NHEJ1: variants seen among roughly 807,000 people sequenced by gnomAD.
NHEJ1 encodes the protein non-homologous end joining factor 1.
In NHEJ1, 22 loss-of-function variants were observed where a neutral mutation model predicts 39.4. The observed-to-expected ratio is 0.56, with a 90% CI of 0.40 to 0.80. The LOEUF (loss-of-function observed/expected upper bound fraction) is 0.80, where lower values mean the gene tolerates loss of function less well. NHEJ1 is among the 30% of genes least tolerant of loss of function. The probability of loss-of-function intolerance (pLI) is 0.00; values close to 1 mark genes in which losing one functional copy is unlikely to be tolerated. For synonymous variants in NHEJ1, 154 were observed against 135.6 expected (o/e 1.14, Z -0.94); for missense variants, 329 against 357.1 (o/e 0.92, Z 0.63).
At chr2:219,085,236 T>C (rs1252900493) in intron 5 of NHEJ1, among the ~76,000 whole-genome samples, 3 of 152,192 alleles carry the variant, frequency 2.0e-5, no homozygotes, top group African/African-American at 7.2e-5. Flanking sequence ...ATATCTATAT[T>C]TTTAGAAGAC....
intron 3 of NHEJ1, among the ~76,000 whole-genome samples, chr2:219,149,540 C>T (rs1317064988): frequency 5.9e-5 from 9 of 152,222 alleles, no homozygotes; most frequent in African/African-American, 1.9e-4. Context: ...CGCTTGAATC[C>T]GGGAGGCAGA....
chr2:219,102,992 G>A (rs1243903618), intron 5 of NHEJ1, among the ~76,000 whole-genome samples: 1 of 104,224 alleles, frequency 9.6e-6, no homozygotes, highest in Admixed American at 1.3e-4. Flanking sequence ...GCGACAGAGC[G>A]AGACTCCGTC....
intron 5 of NHEJ1, among the ~76,000 whole-genome samples, chr2:219,119,144 A>G (rs1949446653): frequency 6.6e-6 from 1 of 152,130 alleles, no homozygotes; most frequent in African/African-American, 2.4e-5. Context: ...CCCCACTCCC[A>G]GTCTCCCGGA....
intron 3 of NHEJ1, among the ~76,000 whole-genome samples, chr2:219,151,125 C>T (rs1476303217): frequency 8.7e-6 from 1 of 115,056 alleles, no homozygotes; most frequent in Non-Finnish European, 1.7e-5. Context: ...GAGACCTTAT[C>T]TCAAAAAAAA....
intron 5 of NHEJ1, among the ~76,000 whole-genome samples, chr2:219,136,078 G>A (rs1278552462): frequency 6.6e-6 from 1 of 152,134 alleles, no homozygotes; most frequent in Non-Finnish European, 1.5e-5. Context: ...ACATGTTTAT[G>A]TAATATGACT....
At chr2:219,089,031 G>A (rs994394054) in intron 5 of NHEJ1, among the ~76,000 whole-genome samples, 21 of 152,066 alleles carry the variant, frequency 1.4e-4, no homozygotes, top group Non-Finnish European at 2.5e-4. Flanking sequence ...GTGTTAGCCA[G>A]GATGGTCTCG....
intron 5 of NHEJ1, among the ~76,000 whole-genome samples, chr2:219,131,081 G>C (rs1949573605): frequency 2.6e-5 from 4 of 152,148 alleles, no homozygotes; most frequent in Non-Finnish European, 5.9e-5. Context: ...AACAGAGCGA[G>C]ACTCTGTCTC....
At chr2:219,092,524 C>G (rs996417886) in intron 5 of NHEJ1, among the ~76,000 whole-genome samples, 3 of 152,174 alleles carry the variant, frequency 2.0e-5, no homozygotes, top group African/African-American at 7.2e-5. Flanking sequence ...TCTGTGATTT[C>G]TACTGGTGAC....
chr2:219,083,778 C>T (rs1459509433), intron 5 of NHEJ1, among the ~76,000 whole-genome samples: 1 of 152,148 alleles, frequency 6.6e-6, no homozygotes, highest in Non-Finnish European at 1.5e-5. Context: ...TTGCCTGGCC[C>T]TACTCCAATG....
At chr2:219,088,327 T>C (rs1248825564) in intron 5 of NHEJ1, among the ~76,000 whole-genome samples, 5 of 152,084 alleles carry the variant, frequency 3.3e-5, no homozygotes, top group African/African-American at 9.7e-5. Flanking sequence ...GCAACATAGA[T>C]GAATTTCATT....
At chr2:219,130,566 G>A (rs1056969058) in intron 5 of NHEJ1, among the ~76,000 whole-genome samples, 7 of 152,274 alleles carry the variant, frequency 4.6e-5, no homozygotes, top group South Asian at 4.1e-4. Context: ...AGAAAGTTAT[G>A]AGTTACGAGC....
intron 1 of NHEJ1, among the ~76,000 whole-genome samples, chr2:219,159,576 C>CATATATATATATGCATATATATATGCAT (rs72363387): frequency 2.9e-5 from 2 of 68,964 alleles, no homozygotes; most frequent in East Asian, 6.0e-4. Context: ...TATATATATG[C>CATATATATATATGCATATATATATGCAT]ATATATATAT....
rs976825540 is a variant in NHEJ1 at position 219,157,606 on chromosome 2, C to T, written c.256G>A (p.Asp86Asn). The change falls in exon 3 of 8, where the codon GAC (aspartate) becomes AAC (asparagine). Residue 86 changes from aspartate to asparagine, a missense_variant. By Grantham distance (23) the Asp-to-Asn change is conservative (BLOSUM62 1). Transcript: ENST00000356853. ...LDNLLRPLLK[D>N]AAHPSEATFS... ...GTAGCTTCGCTAGGGTGAGCAGCGT[C>T]CTTCAACAATGGGCGAAGGAGATTA... 3.1e-6 allele frequency: 5 copies of T among 1,614,042 alleles called. No homozygotes were observed. Among genetic ancestry groups the T allele is most frequent in the Admixed American group, 3.3e-5 (2 of 59,990 alleles).
At chr2:219,113,995 AG>A (rs1949388573) in intron 5 of NHEJ1, among the ~76,000 whole-genome samples, 1 of 152,208 alleles carries the variant, frequency 6.6e-6, no homozygotes, top group African/African-American at 2.4e-5. Context: ...TGCCTTAGAC[AG>A]GGAAGTTTCT....
intron 5 of NHEJ1, among the ~76,000 whole-genome samples, chr2:219,141,953 G>A (rs1477441248): frequency 1.3e-5 from 2 of 152,228 alleles, no homozygotes; most frequent in South Asian, 2.1e-4. Flanking sequence ...TTCCCCAGGC[G>A]ATATAAGCTC....
At chr2:219,108,273 C>A (rs1017487466) in intron 5 of NHEJ1, among the ~76,000 whole-genome samples, 6 of 152,188 alleles carry the variant, frequency 3.9e-5, no homozygotes, top group African/African-American at 1.4e-4. Flanking sequence ...AGCTGAGTGT[C>A]CGTCCTTCCA....
rs1948997137 is a variant in NHEJ1, at chr2:219,074,780, C to G, written c.*1601G>C. On this transcript the variant is annotated 3_prime_UTR_variant, in exon 8 of 8. Transcript: ENST00000356853. ...GTAACAAAAGAGCAAAGTAAGCCAGCTGATAGGCTGTTTTTATATAGTTCC... is the reference window on the plus strand; with the variant it reads ...GTAACAAAAGAGCAAAGTAAGCCAGGTGATAGGCTGTTTTTATATAGTTCC... 6.6e-6 allele frequency among the ~76,000 whole-genome samples: 1 copy of G among 151,862 alleles called. No homozygotes were observed. Among genetic ancestry groups the G allele is most frequent in the African/African-American group, 2.4e-5 (1 of 41,340 alleles).
At chr2:219,138,090 A>T (rs6748383) in intron 5 of NHEJ1, among the ~76,000 whole-genome samples, 1 of 151,870 alleles carries the variant, frequency 6.6e-6, no homozygotes, top group African/African-American at 2.4e-5. Flanking sequence ...CTAAAAAAAA[A>T]CCACCCTGAA....
chr2:219,156,572 C>A (rs1949857185), intron 3 of NHEJ1, among the ~76,000 whole-genome samples: 1 of 152,186 alleles, frequency 6.6e-6, no homozygotes, highest in African/African-American at 2.4e-5. Context: ...AGGATATTAT[C>A]CCCCTAGTCT....
Sources: allele counts gnomAD v4.1 joint callset (sites outside exome capture counted in the v4.1 genomes callset), GRCh38; gene constraint gnomAD v4.1.1; transcripts MANE v1.5; gene names NCBI Gene and HGNC (gene_info 2026-07-23, HGNC 2026-07-21).